The following P2RX4 variants were observed in gnomAD, a reference collection of about 807,000 sequenced individuals.
P2RX4 encodes the protein purinergic receptor P2X 4.
Under a neutral mutation model 48.0 loss-of-function variants are expected in P2RX4, and 37 were observed. The observed-to-expected ratio is 0.77, with a 90% CI of 0.59 to 1.01. The LOEUF is 1.01. Ranked by LOEUF, P2RX4 falls within the 50% of genes least tolerant of loss-of-function variation. The pLI is 0.00. For missense variants in P2RX4, 501 were observed against 521.4 expected, an observed-to-expected ratio of 0.96 and a Z score of 0.38; for synonymous variants, 200 against 199.7, an observed-to-expected ratio of 1.00 and a Z score of -0.01.
intron 4 of P2RX4, 65 bp from the exon 5 acceptor site, chr12:121,222,882 C>T (rs1320449900): frequency 2.1e-6 from 3 of 1,449,892 alleles, no homozygotes; most frequent in East Asian, 4.7e-5. Flanking sequence ...CTCCCTACTC[C>T]AAAAAGGTAG....
chr12:121,228,927 G>T, intron 7 of P2RX4, 36 bp from the exon 8 acceptor site: 1 of 1,614,054 alleles, frequency 6.2e-7, no homozygotes, highest in South Asian at 1.1e-5. Context: ...CAGGTGCTGA[G>T]GAAAGCCTTG....
At chr12:121,233,445 T>A in intron 11 of P2RX4, 78 bp from the exon 12 acceptor site, 1 of 1,485,188 alleles carries the variant, frequency 6.7e-7, no homozygotes, top group Non-Finnish European at 9.2e-7. Context: ...GGCGGTGAAG[T>A]CCCAGGAGCG....
At position 121,233,052 on chromosome 12, in the gene P2RX4, A is replaced by G. The variant is rs992174560; in HGVS notation, c.1100A>G (p.Tyr367Cys). 3 of 1,613,484 alleles carry G rather than the reference A, an allele frequency of 1.9e-6. No homozygotes were observed. The highest frequency in any genetic ancestry group is 3.3e-5 in the Admixed American group (2 of 59,986). ...VLYCMKKRLY[Y>C]REKKYKYVED... ...TACTGCATGAAGAAAAGACTCTACT[A>G]TCGGGAGAAGAAATATAAATATGTG... Residue 367 changes from tyrosine to cysteine, a missense_variant, in exon 11 of 12, where the codon TAT becomes TGT. Tyr to Cys is a radical substitution (Grantham distance 194). Coordinates refer to ENST00000337233, the MANE Select transcript of P2RX4 (RefSeq NM_002560.3).
chr12:121,220,110 G>A (rs991977510), intron 2 of P2RX4, among the ~76,000 whole-genome samples: 9 of 152,144 alleles, frequency 5.9e-5, no homozygotes, highest in African/African-American at 1.7e-4. Flanking sequence ...GACCCTGACC[G>A]AGTCTTCTCT....
intron 5 of P2RX4, among the ~76,000 whole-genome samples, chr12:121,224,140 A>T (rs1886830704): frequency 6.6e-6 from 1 of 152,176 alleles, no homozygotes; most frequent in Non-Finnish European, 1.5e-5. Context: ...GGCCTGGGTC[A>T]CATGCCCACC....
At chr12:121,218,139 A>C (rs904205904) in intron 2 of P2RX4, among the ~76,000 whole-genome samples, 5 of 152,162 alleles carry the variant, frequency 3.3e-5, no homozygotes, top group Admixed American at 3.3e-4. Context: ...TGCCTTCTCA[A>C]GAGAAGGGTC....
At position 121,228,632 on chromosome 12, in the gene P2RX4, T is replaced by C. The variant is rs1001141414; in HGVS notation, c.605+19T>C. Reference sequence around the variant, plus strand: ...TCAGCAAGTAAGTGGTGGCCAGGTGTGTGAGTTCACCAGGGTCTTGGAGAA... The same window carrying C: ...TCAGCAAGTAAGTGGTGGCCAGGTGCGTGAGTTCACCAGGGTCTTGGAGAA... On this transcript the variant is annotated intron_variant, in intron 6 of 11. Coordinates refer to ENST00000337233, the MANE Select transcript of P2RX4 (RefSeq NM_002560.3). 1 of 1,612,286 alleles carries C rather than the reference T, an allele frequency of 6.2e-7. No homozygotes were observed. Among genetic ancestry groups the C allele is most frequent in the African/African-American group, 1.3e-5 (1 of 74,952 alleles).
chr12:121,212,824 A>ATATATATTTTTTTTT (rs370835501), intron 1 of P2RX4: 14 of 32,250 alleles, frequency 4.3e-4, no homozygotes, highest in Non-Finnish European at 5.8e-4. Context: ...ATATATATAT[A>ATATATATTTTTTTTT]TTTTTTTTTT....
intron 1 of P2RX4, chr12:121,212,818 A>ATTTTTTT (rs1392673928): frequency 3.1e-5 from 1 of 31,798 alleles, no homozygotes; most frequent in Non-Finnish European, 5.7e-5. Context: ...ATATATATAT[A>ATTTTTTT]TATATATTTT....
chr12:121,233,107 G>A lies in P2RX4; in HGVS notation c.1140+15G>A, dbSNP rs766079335. 1.5e-5 allele frequency: 24 copies of A among 1,557,116 alleles called. No individual in the cohort carries two copies. The highest frequency in any genetic ancestry group is 2.0e-5 in the Non-Finnish European group (23 of 1,130,506). On this transcript the variant is annotated intron_variant, in intron 11 of 11. Coordinates refer to ENST00000337233, the MANE Select transcript of P2RX4 (RefSeq NM_002560.3). ...ATTACGAGCAGGTAGGCCCCTCCTG[G>A]CCCCCAGCAGGCACAGGCCTCTCAT...
chr12:121,229,675 TC>T lies in P2RX4; in HGVS notation c.884+577del, dbSNP rs2136243608. ...TTGATTCTCTCACAGTTCTCACAGT[TC>T]TAGAGGCCACAACCTAAAATCCAGG... On this transcript the variant is annotated intron_variant, in intron 8 of 11. Transcript: ENST00000337233. This position sits in a 1 kb window ranked among gnomAD's most constrained non-coding sequence, Gnocchi z 4.6. Among the ~76,000 whole-genome samples the T allele has an allele frequency of 6.6e-6, 1 of 152,214 alleles. No individual in the cohort carries two copies. Among genetic ancestry groups the T allele is most frequent in the South Asian group, 2.1e-4 (1 of 4,802 alleles).
rs1260328328 is a variant in P2RX4 at position 121,232,104 on chromosome 12, T to G, written c.885-310T>G. Among the ~76,000 whole-genome samples, 1 of 151,916 alleles carries G rather than the reference T, an allele frequency of 6.6e-6. No individual in the cohort carries two copies. Among genetic ancestry groups the G allele is most frequent in the Non-Finnish European group, 1.5e-5 (1 of 68,008 alleles). ...TGGTCACATTCTTACTGTTAGATGTTGGAGGTCAGGGTCCCTTGAGGGAGG... is the reference window on the plus strand; with the variant it reads ...TGGTCACATTCTTACTGTTAGATGTGGGAGGTCAGGGTCCCTTGAGGGAGG... On this transcript the variant is annotated intron_variant, in intron 8 of 11. Coordinates refer to ENST00000337233, the MANE Select transcript of P2RX4 (RefSeq NM_002560.3). This position sits in a 1 kb window ranked among gnomAD's most constrained non-coding sequence, Gnocchi z 4.3.
chr12:121,225,056 C>T (rs983511241), intron 5 of P2RX4, among the ~76,000 whole-genome samples: 2 of 150,966 alleles, frequency 1.3e-5, no homozygotes, highest in African/African-American at 4.9e-5. Context: ...AGGAAGTGCA[C>T]TTATCATCAA....
chr12:121,227,926 A>G (rs1052585131), intron 5 of P2RX4, among the ~76,000 whole-genome samples: 2 of 151,680 alleles, frequency 1.3e-5, no homozygotes, highest in African/African-American at 4.8e-5. Context: ...TGTCTACAAA[A>G]AAAAAAAAAA....
At chr12:121,222,245 C>T (rs975733833) in intron 4 of P2RX4, 79 bp downstream of exon 4, 2 of 1,014,708 alleles carry the variant, frequency 2.0e-6, no homozygotes. Flanking sequence ...ATAGAGAAAT[C>T]TTCCCAATTC....
At chr12:121,217,819 C>A (rs944251062) in intron 2 of P2RX4, among the ~76,000 whole-genome samples, 8 of 148,804 alleles carry the variant, frequency 5.4e-5, no homozygotes, top group African/African-American at 1.7e-4. Context: ...GAGACCAAAA[C>A]CCAAACAAGA....
chr12:121,222,301 G>T lies in P2RX4; in HGVS notation c.427+135G>T, dbSNP rs537951104. 8.8e-6 allele frequency: 6 copies of T among 679,266 alleles called. No homozygotes were observed. The African/African-American group carries it at 8.9e-5, about 10-fold the overall frequency. 42.1% of individuals were successfully genotyped at this position (679,266 alleles called of 1,614,324 possible). ...GCCAGGTGCCGAGGCTGGGGTCCTG[G>T]AGCCCCTCTACATTCACTGCTGTCA... On this transcript the variant is annotated intron_variant, in intron 4 of 11. Coordinates refer to ENST00000337233, the MANE Select transcript of P2RX4 (RefSeq NM_002560.3).
chr12:121,212,202 T>C lies in P2RX4; in HGVS notation c.134+1904T>C, dbSNP rs545887192. On this transcript the variant is annotated intron_variant, in intron 1 of 11. Transcript: ENST00000337233. Reference sequence around the variant, plus strand: ...AAGCCCAAGCAGGTTTGGCTTCCAATATCTGTCAGCAGCAGCAGTAGATAC... The same window carrying C: ...AAGCCCAAGCAGGTTTGGCTTCCAACATCTGTCAGCAGCAGCAGTAGATAC... 1.1e-4 allele frequency among the ~76,000 whole-genome samples: 16 copies of C among 152,330 alleles called. No individual in the cohort carries two copies. In the East Asian group the frequency reaches 2.1e-3, roughly 20 times the overall value.
Position 121,222,129 on chromosome 12 carries a change from C to T in P2RX4, c.390C>T (p.Ala130=). 1 of 1,613,520 alleles carries T rather than the reference C, an allele frequency of 6.2e-7. No homozygotes were observed. The highest frequency in any genetic ancestry group is 1.1e-5 in the South Asian group (1 of 91,068). The change falls in exon 4 of 12, where the codon GCC becomes GCT. Residue 130 remains alanine (A), a synonymous_variant. Coordinates refer to ENST00000337233, the MANE Select transcript of P2RX4 (RefSeq NM_002560.3). The stretch of plus-strand genomic sequence containing the variant: ...CGACCACTGTGTGTAAATCAGATGC[C>T]AGCTGTACTGCCGGCTCTGCCGGCA... The part of the protein sequence containing the change: ...PDATTVCKSD[A]SCTAGSAGTH...
Sources: allele counts gnomAD v4.1 joint callset (sites outside exome capture counted in the v4.1 genomes callset), GRCh38; gene constraint gnomAD v4.1.1; non-coding constraint Gnocchi (gnomAD v3.1); transcripts MANE v1.5; gene names NCBI Gene and HGNC (gene_info 2026-07-23, HGNC 2026-07-21).